The following PARP9 variants were observed in gnomAD, a reference collection of about 807,000 sequenced individuals.
PARP9 encodes the protein poly(ADP-ribose) polymerase family member 9.
Under a neutral mutation model 68.8 loss-of-function variants are expected in PARP9, and 48 were observed. The ratio of observed to expected loss-of-function variants is 0.70; its 90% CI spans 0.55 to 0.89. PARP9 has a LOEUF of 0.89. Ranked by LOEUF, PARP9 falls within the 40% of genes least tolerant of loss-of-function variation. PARP9 has a pLI of 0.00. For missense variants in PARP9, 806 were observed against 969.3 expected, an observed-to-expected ratio of 0.83 and a Z score of 2.24; for synonymous variants, 309 against 333.8, an observed-to-expected ratio of 0.93 and a Z score of 0.81.
At position 122,528,583 on chromosome 3, in the gene PARP9, TG is replaced by T. The variant is rs1224343950; in HGVS notation, c.2240del (p.Pro747HisfsTer3). On this transcript the variant is annotated frameshift_variant, in exon 11 of 11. Transcript: ENST00000682323. LOFTEE classifies it low-confidence loss of function (END_TRUNC). The part of the protein sequence containing the change: ...CQGHPLNIVP[P>X]PLSPGAIDGH... The stretch of plus-strand genomic sequence containing the variant: ...CATCTATAGCTCCAGGACTCAGTGG[TG>T]GGGGAACAATATTTAACGGATGTCC... 1.2e-6 allele frequency: 2 copies of T among 1,614,042 alleles called. No homozygotes were observed. Among genetic ancestry groups the T allele is most frequent in the African/African-American group, 2.7e-5 (2 of 74,984 alleles).
At chr3:122,546,422 T>C (rs2078703617) in intron 6 of PARP9, among the ~76,000 whole-genome samples, 1 of 152,230 alleles carries the variant, frequency 6.6e-6, no homozygotes, top group Admixed American at 6.5e-5. Flanking sequence ...TAGGCTTGCG[T>C]TAGATGATTT....
intron 1 of PARP9, among the ~76,000 whole-genome samples, chr3:122,562,522 G>A (rs1233230024): frequency 1.3e-5 from 2 of 152,108 alleles, no homozygotes; most frequent in African/African-American, 4.8e-5. Context: ...AGATTTAAAT[G>A]TACCTAGTTT....
chr3:122,552,368 G>T, intron 5 of PARP9, 50 bp downstream of exon 5: 1 of 1,258,076 alleles, frequency 7.9e-7, no homozygotes. Context: ...AAAAAAAAAA[G>T]ACTGTATAGA....
chr3:122,564,481 G>T (rs751461207), upstream of PARP9: 14 of 1,612,774 alleles, frequency 8.7e-6, no homozygotes, highest in Admixed American at 1.7e-5. Context: ...GTACAAGTCC[G>T]GCCCCCGAGT....
chr3:122,540,361 A>G, intron 8 of PARP9, 111 bp downstream of exon 8: 1 of 1,321,828 alleles, frequency 7.6e-7, no homozygotes, highest in Non-Finnish European at 1.0e-6. Flanking sequence ...AGAATGTTTG[A>G]TCCCTCCTCT....
In PARP9 at chr3:122,555,418, A is replaced by T; in HGVS notation, c.753T>A (p.Ala251=). ...HLVSNEDPTV[A]AFKAASEFIL... ...TGAATTCTGAAGCAGCTTTAAAGGC[A>T]GCAACAGTAGGGTCCTCATTGCTCA... The change falls in exon 4 of 11, where the codon GCT becomes GCA. Residue 251 remains alanine, a synonymous_variant. Transcript: ENST00000682323. 1 of 1,614,178 alleles carries T rather than the reference A, an allele frequency of 6.2e-7. No individual in the cohort carries two copies. The highest frequency in any genetic ancestry group is 8.5e-7 in the Non-Finnish European group (1 of 1,180,042).
chr3:122,552,308 C>A, intron 5 of PARP9, 110 bp downstream of exon 5: 2 of 818,672 alleles, frequency 2.4e-6, no homozygotes, highest in South Asian at 3.9e-5. Context: ...GAGAACTATA[C>A]CACTTGACAA....
intron 7 of PARP9, among the ~76,000 whole-genome samples, 182 bp downstream of exon 7, chr3:122,545,250 T>C (rs370001173): frequency 1.3e-5 from 2 of 152,230 alleles, no homozygotes; most frequent in East Asian, 3.8e-4. Flanking sequence ...ATCATGAAAC[T>C]GGACCAAGCA....
chr3:122,562,269 G>A (rs955677525), intron 1 of PARP9, among the ~76,000 whole-genome samples: 17 of 151,438 alleles, frequency 1.1e-4, no homozygotes, highest in Non-Finnish European at 2.1e-4. Context: ...TGGAAGCTCC[G>A]CCTCCCGGGT....
chr3:122,564,613 G>A (rs777968352), upstream of PARP9: 2 of 1,584,570 alleles, frequency 1.3e-6, no homozygotes, highest in South Asian at 1.1e-5. Flanking sequence ...TGAAAGGGCA[G>A]GTGAGCTTCG....
chr3:122,541,091 C>T (rs1226113073), intron 7 of PARP9, among the ~76,000 whole-genome samples: 1 of 152,126 alleles, frequency 6.6e-6, no homozygotes, highest in Non-Finnish European at 1.5e-5. Flanking sequence ...GGGGTTTCAC[C>T]GTGTTAGCCG....
chr3:122,545,539 T>A (rs183954722), intron 6 of PARP9, 50 bp from the exon 7 acceptor site: 3 of 1,576,922 alleles, frequency 1.9e-6, no homozygotes, highest in Admixed American at 1.7e-5. Context: ...CTGATAGCCA[T>A]TGTCATCAAA....
rs1056225022 is a variant in PARP9, at chr3:122,564,261, C to T, written c.-106G>A. 1 of 841,424 alleles carries T rather than the reference C, an allele frequency of 1.2e-6. No homozygotes were observed. The allele number at this position is 841,424 out of a possible 1,614,324, so 52.1% of individuals were successfully genotyped here. A position where few individuals can be genotyped will look rare whatever the true frequency, so the allele number is the denominator to read the frequency against. ...CCTACTCACCCGGCAGGCCGCTCTC[C>T]TCGGTGCAGACAGCACAGGGAGGAG... On this transcript the variant is annotated 5_prime_UTR_variant, in exon 1 of 11. Transcript: ENST00000682323.
At position 122,556,133 on chromosome 3, in the gene PARP9, GAGAAGATTAAAAA is replaced by G; in HGVS notation, c.50-25_50-13del. 13 of 169,056 alleles carry G rather than the reference GAGAAGATTAAAAA, an allele frequency of 7.7e-5. No individual in the cohort carries two copies. The highest frequency in any genetic ancestry group is 4.7e-4 in the East Asian group (5 of 10,742). The allele number at this position is 169,056 out of a possible 1,614,324, so 10.5% of individuals were successfully genotyped here. On this transcript the variant is annotated splice_polypyrimidine_tract_variant and intron_variant, in intron 3 of 10. Transcript: ENST00000682323. ...AAGAGCACCAGTCTCTGGAAAAGAA[GAGAAGATTAAAAA>G]AAAAAAAAAAAAAAAAAAAAAAAAA...
Position 122,555,378 on chromosome 3 carries a change from C to T in PARP9, c.793G>A (p.Glu265Lys). The change falls in exon 4 of 11, where the codon GAG becomes AAG. Residue 265 changes from glutamate to lysine, a missense_variant. Physicochemically the swap from Glu to Lys is moderately conservative, Grantham distance 56 (BLOSUM62 1). This residue lies in a region of PARP9 where 680 missense variants were observed against 858.8 expected (regional missense o/e 0.79). Transcript: ENST00000682323. ...AASEFILGKS[E>K]LGQETTPSFN... ...GAAGGGGTGGTTTCTTGTCCCAGCTCACTCTTCCCTAGGATGAATTCTGAA... is the reference window on the plus strand; with the variant it reads ...GAAGGGGTGGTTTCTTGTCCCAGCTTACTCTTCCCTAGGATGAATTCTGAA... 1 of 1,614,136 alleles carries T rather than the reference C, an allele frequency of 6.2e-7. No homozygotes were observed. Among genetic ancestry groups the T allele is most frequent in the South Asian group, 1.1e-5 (1 of 91,086 alleles).
At chr3:122,542,949 C>T (rs2078373079) in intron 7 of PARP9, among the ~76,000 whole-genome samples, 1 of 152,102 alleles carries the variant, frequency 6.6e-6, no homozygotes, top group South Asian at 2.1e-4. Context: ...CTCCGTTGCC[C>T]AAGCTGGAGT....
intron 4 of PARP9, among the ~76,000 whole-genome samples, chr3:122,553,438 T>C (rs923959704): frequency 2.0e-5 from 3 of 152,214 alleles, no homozygotes; most frequent in Admixed American, 6.5e-5. Flanking sequence ...GAATGCTTCA[T>C]TTTGAAAGCA....
chr3:122,552,180 A>G (rs897009793), intron 5 of PARP9, among the ~76,000 whole-genome samples: 5 of 152,078 alleles, frequency 3.3e-5, no homozygotes, highest in African/African-American at 1.2e-4. Flanking sequence ...TTGGCCTCCC[A>G]AAGCGCTGGA....
chr3:122,543,831 G>A (rs1052934643), intron 7 of PARP9, among the ~76,000 whole-genome samples: 13 of 151,972 alleles, frequency 8.6e-5, no homozygotes, highest in African/African-American at 2.9e-4. Context: ...GGCTGGTCTC[G>A]AACTCCTGAC....
Sources: gnomAD v4.1 joint callset for allele counts (sites outside exome capture counted in the v4.1 genomes callset) on GRCh38, gnomAD v4.1.1 for gene constraint, gnomAD v4.1.1 regional missense constraint, MANE v1.5 for transcripts, NCBI Gene and HGNC (gene_info 2026-07-23, HGNC 2026-07-21) for gene names.